Variants in WDR93 observed in about 807,000 individuals in gnomAD.
WDR93 encodes the protein WD repeat-containing protein 93.
WDR93 carries 73 observed loss-of-function variants against 82.9 expected under a neutral mutation model. The observed-to-expected ratio is 0.88, with a 90% CI of 0.73 to 1.07. The LOEUF (loss-of-function observed/expected upper bound fraction) is 1.07, where lower values mean the gene tolerates loss of function less well. Among genes scored for constraint, WDR93 ranks in the 50% least tolerant of loss-of-function variants. The pLI is 0.00. For missense variants in WDR93, 738 were observed against 826.0 expected (o/e 0.89, Z 1.31); for synonymous variants, 283 against 300.1 (o/e 0.94, Z 0.59).
At chr15:89,715,150 T>C in intron 6 of WDR93, 55 bp downstream of exon 6, 1 of 1,516,734 alleles carries the variant, frequency 6.6e-7, no homozygotes, top group Non-Finnish European at 9.0e-7. Context: ...CTGACCCACA[T>C]CTAGCCCAAG....
chr15:89,721,199 TGTCA>T (rs1966509909), intron 7 of WDR93: 1 of 152,236 alleles, frequency 6.6e-6, no homozygotes. Context: ...AACATGTTTG[TGTCA>T]TTATATTTAA....
At position 89,692,666 on chromosome 15, in the gene WDR93, A is replaced by T. The variant is rs369200499; in HGVS notation, c.-41+1809A>T. Among the ~76,000 whole-genome samples the T allele has an allele frequency of 5.1e-4, 78 of 152,242 alleles. 1 individual carries two copies. Among genetic ancestry groups the T allele is most frequent in the African/African-American group, 1.7e-3 (70 of 41,550 alleles). On this transcript the variant is annotated intron_variant, in intron 1 of 16. Coordinates refer to ENST00000268130, the MANE Select transcript of WDR93 (RefSeq NM_020212.2). ...CTCTTATTGCCCAGGCTGGAGTGCA[A>T]TGGCGCAATGTCAGCTCACTGCACC...
At chr15:89,702,805 C>T (rs1032069547) in intron 2 of WDR93, 145 bp from the exon 3 acceptor site, 14 of 901,854 alleles carry the variant, frequency 1.6e-5, no homozygotes, top group African/African-American at 8.4e-5. Flanking sequence ...TCCCAAAGTG[C>T]TGGGATTACA....
chr15:89,735,574 T>C (rs762957877), intron 14 of WDR93, 21 bp downstream of exon 14: 2 of 1,609,412 alleles, frequency 1.2e-6, no homozygotes, highest in Admixed American at 1.7e-5. Context: ...CATGCCTCTC[T>C]GTAAATGCCC....
intron 12 of WDR93, among the ~76,000 whole-genome samples, chr15:89,732,641 A>ACG (rs914610544): frequency 4.7e-5 from 7 of 149,570 alleles, no homozygotes; most frequent in African/African-American, 1.8e-4. Context: ...ACACACACAC[A>ACG]CCGCCTTTTC....
At position 89,733,011 on chromosome 15, in the gene WDR93, C is replaced by T; in HGVS notation, c.1336C>T (p.Pro446Ser). Residue 446 changes from proline to serine, a missense_variant, in exon 13 of 17, where the codon CCT (proline) becomes TCT (serine). Transcript: ENST00000268130. ...TGTGTGATTACTTTCTCTAGGATTC[C>T]CTCTTGGGGTCGCTGCTCTTCCTCA... is the stretch of plus-strand genomic sequence containing the variant. ...LTLWDLAKGF[P>S]LGVAALPQGC... The T allele has an allele frequency of 1.2e-6, 2 of 1,614,078 alleles. No individual in the cohort carries two copies. Among genetic ancestry groups the T allele is most frequent in the Middle Eastern group, 1.7e-4 (1 of 6,060 alleles).
chr15:89,735,606 G>T (rs1016443675), intron 14 of WDR93, 53 bp downstream of exon 14: 2 of 1,553,746 alleles, frequency 1.3e-6, no homozygotes, highest in African/African-American at 2.7e-5. Context: ...TTTCTCTTCT[G>T]TGAATGTGTT....
chr15:89,690,542 G>C, upstream of WDR93: 1 of 1,524,214 alleles, frequency 6.6e-7, no homozygotes, highest in Non-Finnish European at 8.9e-7. Flanking sequence ...GAGTTAGGGC[G>C]AGAAAGGGGC....
intron 7 of WDR93, among the ~76,000 whole-genome samples, chr15:89,718,586 C>T (rs892326510): frequency 3.3e-5 from 5 of 152,092 alleles, no homozygotes; most frequent in Non-Finnish European, 5.9e-5. Flanking sequence ...GAGATTACAC[C>T]ACTGTACTCT....
At chr15:89,708,555 G>A (rs1042571036) in intron 4 of WDR93, among the ~76,000 whole-genome samples, 6 of 152,140 alleles carry the variant, frequency 3.9e-5, no homozygotes, top group Admixed American at 6.6e-5. Flanking sequence ...GGACAAGAGC[G>A]TCATTGCAAT....
intron 1 of WDR93, among the ~76,000 whole-genome samples, chr15:89,691,206 T>C (rs572094368): frequency 2.8e-4 from 43 of 152,256 alleles, no homozygotes; most frequent in African/African-American, 1.0e-3. Context: ...GAACCTAGCA[T>C]GGGAGGCGGA....
intron 9 of WDR93, 79 bp downstream of exon 9, chr15:89,727,407 G>A (rs1172524073): frequency 1.4e-6 from 2 of 1,479,842 alleles, no homozygotes; most frequent in Admixed American, 2.1e-5. Context: ...ATCAACCCAG[G>A]GACCTGAATT....
At chr15:89,696,895 A>T (rs941425206) in intron 1 of WDR93, among the ~76,000 whole-genome samples, 3 of 152,104 alleles carry the variant, frequency 2.0e-5, no homozygotes, top group African/African-American at 7.2e-5. Context: ...CCTGTTCAGC[A>T]TTTTCAACAG....
intron 7 of WDR93, among the ~76,000 whole-genome samples, chr15:89,720,546 T>C (rs1219211862): frequency 6.6e-6 from 1 of 152,224 alleles, no homozygotes; most frequent in Non-Finnish European, 1.5e-5. Flanking sequence ...GCTGGAATTA[T>C]AGGCGTGAGC....
intron 1 of WDR93, among the ~76,000 whole-genome samples, chr15:89,692,139 C>T (rs1009581307): frequency 2.0e-5 from 3 of 152,238 alleles, no homozygotes; most frequent in African/African-American, 4.8e-5. Context: ...CTGCCCGTAC[C>T]TCTGCAAGCA....
intron 1 of WDR93, among the ~76,000 whole-genome samples, chr15:89,692,349 A>C (rs56030351): frequency 1.3e-5 from 2 of 152,002 alleles, no homozygotes; most frequent in African/African-American, 2.4e-5. Flanking sequence ...CCTTGGCCCC[A>C]TGGGTTACTC....
At chr15:89,738,276 G>T in intron 16 of WDR93, 40 bp downstream of exon 16, 2 of 1,535,254 alleles carry the variant, frequency 1.3e-6, no homozygotes, top group Non-Finnish European at 8.8e-7. Context: ...CACATCTGAG[G>T]TTGTCTCTGG....
intron 9 of WDR93, among the ~76,000 whole-genome samples, chr15:89,728,247 G>A (rs1349298820): frequency 1.3e-5 from 2 of 152,086 alleles, no homozygotes; most frequent in African/African-American, 4.8e-5. Context: ...GAGCAGTTAG[G>A]TGTCATTAGC....
chr15:89,730,015 G>C (rs1966845889), intron 11 of WDR93, among the ~76,000 whole-genome samples: 1 of 152,158 alleles, frequency 6.6e-6, no homozygotes, highest in African/African-American at 2.4e-5. Context: ...GGCTCCTTAA[G>C]CAGCTAAGGT....
Sources: gnomAD v4.1 joint callset for allele counts (sites outside exome capture counted in the v4.1 genomes callset) on GRCh38, gnomAD v4.1.1 for gene constraint, MANE v1.5 for transcripts, NCBI Gene and HGNC (gene_info 2026-07-23, HGNC 2026-07-21) for gene names.